The following CLCN2 variants were observed in gnomAD, a reference collection of about 807,000 sequenced individuals.
CLCN2 encodes the protein chloride voltage-gated channel 2.
Under a neutral mutation model 108.3 loss-of-function variants are expected in CLCN2, and 72 were observed. That is an observed-to-expected ratio of 0.66 (90% CI 0.55 to 0.81). The LOEUF (loss-of-function observed/expected upper bound fraction) is 0.81, where lower values mean the gene tolerates loss of function less well. Among genes scored for constraint, CLCN2 ranks in the 30% least tolerant of loss-of-function variants. The pLI, the probability that CLCN2 is intolerant of heterozygous loss-of-function variation, is 0.00. For missense variants in CLCN2, 1,048 were observed against 1,205.2 expected (o/e 0.87, Z 1.93); for synonymous variants, 471 against 467.1 (o/e 1.01, Z -0.11).
At chr3:184,360,842 G>A (rs1448836173) in intron 1 of CLCN2, among the ~76,000 whole-genome samples, 3 of 152,204 alleles carry the variant, frequency 2.0e-5, no homozygotes, top group Admixed American at 2.0e-4. Flanking sequence ...ACCCATTCCT[G>A]CTTCACCCAC....
chr3:184,353,482 C>T (rs1728292781), intron 16 of CLCN2, 60 bp from the exon 17 acceptor site: 4 of 1,556,796 alleles, frequency 2.6e-6, no homozygotes, highest in Non-Finnish European at 3.5e-6. Context: ...CCCCGTCCTT[C>T]TCTCACACTC....
chr3:184,352,216 C>T, intron 21 of CLCN2, 77 bp downstream of exon 21: 1 of 1,600,482 alleles, frequency 6.2e-7, no homozygotes, highest in Non-Finnish European at 8.6e-7. Context: ...CGTGGTCCCT[C>T]CCATGGGGAC....
rs751731115 is a variant in CLCN2 at position 184,357,280 on chromosome 3, C to A, written c.899-14G>T. The A allele has an allele frequency of 7.4e-6, 12 of 1,613,930 alleles. No individual in the cohort carries two copies. In the Admixed American group the frequency reaches 1.2e-4, roughly 16 times the overall value. ...CTGTAATAGTCTCTAAAGGGAAGAA[C>A]AGCAGAGGGAGGCAGGCCTAGCCTC... On this transcript the variant is annotated splice_polypyrimidine_tract_variant and intron_variant, in intron 8 of 23. Transcript: ENST00000265593.
rs1202435397 is a variant in CLCN2 at position 184,355,246 on chromosome 3, C to T, written c.1326+128G>A. 1 of 1,092,474 alleles carries T rather than the reference C, an allele frequency of 9.2e-7. No individual in the cohort carries two copies. The highest frequency in any genetic ancestry group is 2.4e-5 in the East Asian group (1 of 41,784). The allele number at this position is 1,092,474 out of a possible 1,614,324, so 67.7% of individuals were successfully genotyped here. A position where few individuals can be genotyped will look rare whatever the true frequency, so the allele number is the denominator to read the frequency against. On this transcript the variant is annotated intron_variant, in intron 12 of 23. Coordinates refer to ENST00000265593, the MANE Select transcript of CLCN2 (RefSeq NM_004366.6). This position sits in a 1 kb window ranked among gnomAD's most constrained non-coding sequence, Gnocchi z 6.3. ...CTTGTGTTTCGACTCCCCCATCTTT[C>T]AAACGGGGGTGATAATAGTGCCTTT...
intron 16 of CLCN2, 74 bp from the exon 17 acceptor site, chr3:184,353,496 G>A: frequency 1.3e-6 from 2 of 1,549,056 alleles, no homozygotes; most frequent in Non-Finnish European, 1.7e-6. Context: ...CACACTCAGA[G>A]TGGGGGGCCT....
intron 22 of CLCN2, among the ~76,000 whole-genome samples, chr3:184,351,760 C>T (rs926195601): frequency 6.6e-6 from 1 of 152,284 alleles, no homozygotes; most frequent in Admixed American, 6.5e-5. Context: ...TTTGTTGCTT[C>T]GTTGGTCCAG....
In CLCN2 at chr3:184,353,015, C is replaced by A; in HGVS notation, c.2143+18G>T. On this transcript the variant is annotated intron_variant, in intron 18 of 23. Coordinates refer to ENST00000265593, the MANE Select transcript of CLCN2 (RefSeq NM_004366.6). ...TAGCTTGGCTGAGGCTCTGTGGACA[C>A]AGGAGACATGGGCTTACCTGTGGGA... 2 of 1,607,204 alleles carry A rather than the reference C, an allele frequency of 1.2e-6. No homozygotes were observed. The highest frequency in any genetic ancestry group is 1.1e-5 in the South Asian group (1 of 90,984).
chr3:184,348,287 G>A (rs1727836592), intron 22 of CLCN2: 1 of 152,078 alleles, frequency 6.6e-6, no homozygotes, highest in Non-Finnish European at 1.5e-5. Context: ...GAATGCTTGA[G>A]CCCAGGAGTT....
chr3:184,353,461 G>A (rs1728290764), intron 16 of CLCN2, 39 bp from the exon 17 acceptor site: 2 of 1,571,240 alleles, frequency 1.3e-6, no homozygotes, highest in Non-Finnish European at 1.7e-6. Flanking sequence ...AGCTGAGAGG[G>A]AGCCCTCCAG....
chr3:184,349,171 T>G (rs961175201), intron 22 of CLCN2: 1 of 152,208 alleles, frequency 6.6e-6, no homozygotes, highest in Non-Finnish European at 1.5e-5. Flanking sequence ...TTACAGTATT[T>G]TTTTTAAACA....
intron 16 of CLCN2, 116 bp downstream of exon 16, chr3:184,353,546 C>G: frequency 1.3e-6 from 2 of 1,553,704 alleles, no homozygotes; most frequent in Non-Finnish European, 1.7e-6. Context: ...CCCCACCTGG[C>G]AAGTGCTGGT....
At position 184,357,709 on chromosome 3, in the gene CLCN2, T is replaced by C. The variant is rs755535255; in HGVS notation, c.694-11A>G. 10 of 1,613,988 alleles carry C rather than the reference T, an allele frequency of 6.2e-6. No individual in the cohort carries two copies. In the South Asian group the frequency reaches 8.8e-5, roughly 14 times the overall value. On this transcript the variant is annotated splice_polypyrimidine_tract_variant and intron_variant, in intron 6 of 23. Coordinates refer to ENST00000265593, the MANE Select transcript of CLCN2 (RefSeq NM_004366.6). ...GTTCCGGGATTCATTCTGGCGAGAG[T>C]GGTGGCAAGAGGGGGTCAGCTGTGG...
rs770392085 is a variant in CLCN2, at chr3:184,358,248, T to C, written c.415A>G (p.Thr139Ala). 1 of 1,614,072 alleles carries C rather than the reference T, an allele frequency of 6.2e-7. No homozygotes were observed. Among genetic ancestry groups the C allele is most frequent in the Admixed American group, 1.7e-5 (1 of 60,010 alleles). The change falls in exon 4 of 24, where the codon ACC becomes GCC. Residue 139 changes from threonine (T) to alanine (A), a missense_variant. By Grantham distance (58) the Thr-to-Ala change is moderately conservative. Coordinates refer to ENST00000265593, the MANE Select transcript of CLCN2 (RefSeq NM_004366.6). ...AAAGTGATGAGGACAACAGGGTAGGTGACCCAGGCCAGGTACTGGAGCAAG... is the reference window on the plus strand; with the variant it reads ...AAAGTGATGAGGACAACAGGGTAGGCGACCCAGGCCAGGTACTGGAGCAAG... ...SILLQYLAWV[T>A]YPVVLITFSA...
At position 184,359,029 on chromosome 3, in the gene CLCN2, G is replaced by C. The variant is rs199956757; in HGVS notation, c.166C>G (p.Arg56Gly). ...TATTCCAAGAGCTCTGGGGCAGCCC[G>C]AGAGGAAGGGGGACCTTTCCAGGGT... ...PEPWKGPPSS[R>G]AAPELLEYGR... Residue 56 changes from arginine to glycine, a missense_variant, in exon 2 of 24, where the codon CGG (arginine) becomes GGG (glycine). Arg to Gly is a moderately radical substitution (Grantham distance 125, BLOSUM62 -2). Coordinates refer to ENST00000265593, the MANE Select transcript of CLCN2 (RefSeq NM_004366.6). 1.2e-6 allele frequency: 2 copies of C among 1,613,510 alleles called. No individual in the cohort carries two copies. The highest frequency in any genetic ancestry group is 1.3e-5 in the African/African-American group (1 of 74,930).
rs1727722156 is a variant in CLCN2, at chr3:184,346,968, A to G, written c.2469T>C (p.Ile823=). 5 of 1,614,170 alleles carry G rather than the reference A, an allele frequency of 3.1e-6. No individual in the cohort carries two copies. Among genetic ancestry groups the G allele is most frequent in the Middle Eastern group, 3.3e-4 (2 of 6,062 alleles). Residue 823 remains isoleucine (I), a synonymous_variant, in exon 23 of 24, where the codon ATT becomes ATC. Transcript: ENST00000265593. This position sits in a 1 kb window ranked among gnomAD's most constrained non-coding sequence, Gnocchi z 6.0. ...LGVDHAYVTS[I]GRLIGIVTLK... Reference sequence around the variant, plus strand: ...GAGTAACGATTCCAATGAGTCTGCCAATACTGGTGACATAAGCATGGTCCA... The same window carrying G: ...GAGTAACGATTCCAATGAGTCTGCCGATACTGGTGACATAAGCATGGTCCA...
chr3:184,355,836 A>T lies in CLCN2; in HGVS notation c.1086-58T>A. On this transcript the variant is annotated intron_variant, in intron 10 of 23. Transcript: ENST00000265593. The surrounding 1 kb of genome is among the most constrained non-coding windows in gnomAD (Gnocchi z 6.3). ...GGCCAAGGGCTGGGTGGCCTCGCAT[A>T]TCTCAGGGCTGAGGTCAGAGCAGAG... 7.2e-7 allele frequency: 1 copy of T among 1,389,808 alleles called. No homozygotes were observed. The highest frequency in any genetic ancestry group is 1.8e-5 in the Admixed American group (1 of 56,898). 86.1% of individuals were successfully genotyped at this position (1,389,808 alleles called of 1,614,324 possible).
chr3:184,351,858 T>C (rs546721315), intron 22 of CLCN2, among the ~76,000 whole-genome samples, 155 bp downstream of exon 22: 1 of 152,254 alleles, frequency 6.6e-6, no homozygotes, highest in East Asian at 1.9e-4. Flanking sequence ...CCTCCCATCA[T>C]CCAAGCAGTA....
chr3:184,361,244 C>A lies in CLCN2; in HGVS notation c.63+173G>T, dbSNP rs536717847. Among the ~76,000 whole-genome samples the A allele has an allele frequency of 6.6e-6, 1 of 152,196 alleles. No individual in the cohort carries two copies. Among genetic ancestry groups the A allele is most frequent in the Non-Finnish European group, 1.5e-5 (1 of 68,032 alleles). ...GCCCTCAGCCTCAGCCAGAAACCAGCATGCAGTTTTCCATCCCTTCGGCCC... is the reference window on the plus strand; with the variant it reads ...GCCCTCAGCCTCAGCCAGAAACCAGAATGCAGTTTTCCATCCCTTCGGCCC... On this transcript the variant is annotated intron_variant, in intron 1 of 23. Coordinates refer to ENST00000265593, the MANE Select transcript of CLCN2 (RefSeq NM_004366.6). The surrounding 1 kb of genome is among the most constrained non-coding windows in gnomAD (Gnocchi z 6.6).
Position 184,355,732 on chromosome 3 carries a change from T to A in CLCN2, c.1132A>T (p.Thr378Ser). 1.2e-6 allele frequency: 2 copies of A among 1,614,088 alleles called. No homozygotes were observed. The highest frequency in any genetic ancestry group is 1.7e-6 in the Non-Finnish European group (2 of 1,180,020). ...AACTGTCCAAAGCCAGGGGGGAAGG[T>A]CAGCGTGGAGATGAGCAGGGTCACC... is the stretch of plus-strand genomic sequence containing the variant. The part of the protein sequence containing the change: ...ALVTLLISTL[T>S]FPPGFGQFMA... Residue 378 changes from threonine to serine, a missense_variant, in exon 11 of 24, where the codon ACC becomes TCC. Coordinates refer to ENST00000265593, the MANE Select transcript of CLCN2 (RefSeq NM_004366.6). This position sits in a 1 kb window ranked among gnomAD's most constrained non-coding sequence, Gnocchi z 6.3.
Sources: gnomAD v4.1 joint callset for allele counts (sites outside exome capture counted in the v4.1 genomes callset) on GRCh38, gnomAD v4.1.1 for gene constraint, Gnocchi (gnomAD v3.1) non-coding constraint, MANE v1.5 for transcripts, NCBI Gene and HGNC (gene_info 2026-07-23, HGNC 2026-07-21) for gene names.